The following LRRC4C variants were observed in gnomAD, a reference collection of about 807,000 sequenced individuals.
The protein encoded by LRRC4C is leucine rich repeat containing 4C.
Under a neutral mutation model 33.6 loss-of-function variants are expected in LRRC4C, and 5 were observed. That is an observed-to-expected ratio of 0.15 (90% CI 0.08 to 0.31). LRRC4C has a LOEUF of 0.31. Among genes scored for constraint, LRRC4C ranks in the 10% least tolerant of loss-of-function variants. The pLI is 1.00. For synonymous variants in LRRC4C, 329 were observed against 302.0 expected (o/e 1.09, Z -0.93); for missense variants, 560 against 796.7 (o/e 0.70, Z 3.58).
chr11:40,595,821 C>T (rs1959230824), intron 3 of LRRC4C, among the ~76,000 whole-genome samples: 2 of 152,012 alleles, frequency 1.3e-5, no homozygotes, highest in South Asian at 2.1e-4. Flanking sequence ...ATAGTGAGAG[C>T]TTTCAGAGGA....
chr11:41,191,569 G>A (rs1402967310), intron 1 of LRRC4C, among the ~76,000 whole-genome samples: 3 of 152,128 alleles, frequency 2.0e-5, no homozygotes, highest in Non-Finnish European at 4.4e-5. Flanking sequence ...AGAACTCATT[G>A]CAAAGATATT....
chr11:40,719,101 T>C (rs1307307446), intron 2 of LRRC4C, among the ~76,000 whole-genome samples: 2 of 152,202 alleles, frequency 1.3e-5, no homozygotes, highest in Non-Finnish European at 2.9e-5. Flanking sequence ...AATCATTTAT[T>C]TGGACAAAAT....
At chr11:41,013,999 C>T (rs905870321) in intron 1 of LRRC4C, among the ~76,000 whole-genome samples, 1 of 152,146 alleles carries the variant, frequency 6.6e-6, no homozygotes, top group Non-Finnish European at 1.5e-5. Flanking sequence ...ACCGCGTCGC[C>T]TTTCACCAGG....
At chr11:40,871,051 C>A (rs796463994) in intron 2 of LRRC4C, among the ~76,000 whole-genome samples, 1 of 151,938 alleles carries the variant, frequency 6.6e-6, no homozygotes, top group Non-Finnish European at 1.5e-5. Context: ...ATGAAATAAG[C>A]CCCAGTCTCC....
intron 2 of LRRC4C, among the ~76,000 whole-genome samples, chr11:40,816,450 G>A (rs868505091): frequency 6.6e-6 from 1 of 152,142 alleles, no homozygotes. Context: ...TACTCTGCCT[G>A]AAGTTTGTCT....
chr11:40,799,569 A>G (rs766783116), intron 2 of LRRC4C, among the ~76,000 whole-genome samples: 17 of 152,314 alleles, frequency 1.1e-4, no homozygotes, highest in Non-Finnish European at 2.1e-4. Context: ...TCCTGGGCTC[A>G]GGTGAATCTC....
At chr11:40,951,981 C>A (rs1031141163) in intron 1 of LRRC4C, among the ~76,000 whole-genome samples, 2 of 151,720 alleles carry the variant, frequency 1.3e-5, no homozygotes, top group Non-Finnish European at 2.9e-5. Flanking sequence ...ATAATTATCT[C>A]AAAATTTGCT....
chr11:41,109,812 T>C (rs1266600646), intron 1 of LRRC4C, among the ~76,000 whole-genome samples: 3 of 152,032 alleles, frequency 2.0e-5, no homozygotes, highest in Admixed American at 6.6e-5. Context: ...TAACTCAAAG[T>C]AACCCTTTGA....
intron 4 of LRRC4C, among the ~76,000 whole-genome samples, chr11:40,244,257 A>C (rs1866155621): frequency 6.6e-6 from 1 of 152,058 alleles, no homozygotes; most frequent in African/African-American, 2.4e-5. Context: ...ACTGAAGAAG[A>C]AGCCTCAAGA....
At chr11:40,236,230 T>G (rs758636363) in intron 5 of LRRC4C, among the ~76,000 whole-genome samples, 12 of 152,084 alleles carry the variant, frequency 7.9e-5, no homozygotes, top group Non-Finnish European at 1.6e-4. Flanking sequence ...AAGACAGACG[T>G]TTTTAAGTCT....
chr11:40,961,486 T>C (rs1189661441), intron 1 of LRRC4C, among the ~76,000 whole-genome samples: 2 of 151,734 alleles, frequency 1.3e-5, no homozygotes, highest in Non-Finnish European at 2.9e-5. Flanking sequence ...TTCCTACCTG[T>C]GTCTTTCATG....
At chr11:40,823,551 C>T (rs1487258373) in intron 2 of LRRC4C, among the ~76,000 whole-genome samples, 1 of 151,596 alleles carries the variant, frequency 6.6e-6, no homozygotes, top group African/African-American at 2.4e-5. Flanking sequence ...TTTGAATAGA[C>T]ATTTGACAAA....
intron 3 of LRRC4C, among the ~76,000 whole-genome samples, chr11:40,376,869 C>T (rs1009997783): frequency 5.3e-5 from 8 of 152,084 alleles, no homozygotes; most frequent in African/African-American, 1.9e-4. Context: ...GACAAAATTA[C>T]ACTTCCTGAG....
intron 1 of LRRC4C, among the ~76,000 whole-genome samples, chr11:40,966,716 T>C (rs1309426008): frequency 1.3e-5 from 2 of 151,952 alleles, no homozygotes; most frequent in Non-Finnish European, 2.9e-5. Context: ...TTTCTCTTCA[T>C]TGATGTTGTC....
intron 1 of LRRC4C, among the ~76,000 whole-genome samples, chr11:40,975,556 C>A (rs905933992): frequency 1.3e-5 from 2 of 152,168 alleles, no homozygotes; most frequent in Admixed American, 1.3e-4. Context: ...TGCTTGTTTG[C>A]TAAATACGTT....
intron 2 of LRRC4C, among the ~76,000 whole-genome samples, chr11:40,650,926 C>G (rs1332243034): frequency 1.3e-5 from 2 of 152,152 alleles, no homozygotes; most frequent in Non-Finnish European, 2.9e-5. Flanking sequence ...CATTAAACTT[C>G]TCTCATTTGA....
chr11:40,930,132 T>C (rs1167312089), intron 2 of LRRC4C, among the ~76,000 whole-genome samples: 1 of 152,172 alleles, frequency 6.6e-6, no homozygotes, highest in Non-Finnish European at 1.5e-5. Context: ...TTACCACTTC[T>C]AGTCCAGAAG....
At chr11:41,439,894 A>G (rs961667833) in intron 1 of LRRC4C, among the ~76,000 whole-genome samples, 1 of 152,202 alleles carries the variant, frequency 6.6e-6, no homozygotes, top group Non-Finnish European at 1.5e-5. Flanking sequence ...GATTCTAGAT[A>G]TTAGTCCTCT....
At chr11:40,500,244 G>A (rs937537070) in intron 3 of LRRC4C, among the ~76,000 whole-genome samples, 3 of 131,732 alleles carry the variant, frequency 2.3e-5, no homozygotes, top group South Asian at 2.5e-4. Context: ...TTAAGGTAAA[G>A]TATCTAGACC....
Sources: gnomAD v4.1 joint callset for allele counts (sites outside exome capture counted in the v4.1 genomes callset) on GRCh38, gnomAD v4.1.1 for gene constraint, MANE v1.5 for transcripts, NCBI Gene and HGNC (gene_info 2026-07-23, HGNC 2026-07-21) for gene names.